SSBP2: variants seen among roughly 807,000 people sequenced by gnomAD.
SSBP2 encodes single stranded DNA binding protein 2, also known as single-stranded DNA-binding protein 2.
In SSBP2, 17 loss-of-function variants were observed where a neutral mutation model predicts 61.8. The ratio of observed to expected loss-of-function variants is 0.28; its 90% confidence interval spans 0.19 to 0.41. The LOEUF (loss-of-function observed/expected upper bound fraction) is 0.41, where lower values mean the gene tolerates loss of function less well. Among genes scored for constraint, SSBP2 ranks in the 10% least tolerant of loss-of-function variants. The pLI is 1.00. For missense variants in SSBP2, 310 were observed against 458.7 expected (o/e 0.68, Z 2.96); for synonymous variants, 139 against 141.3 (o/e 0.98, Z 0.12).
chr5:81,672,439 T>C (rs1039299763), intron 1 of SSBP2, among the ~76,000 whole-genome samples: 2 of 152,130 alleles, frequency 1.3e-5, no homozygotes, highest in African/African-American at 4.8e-5. Flanking sequence ...ATTATTTTTG[T>C]CTAAAATAAA....
At chr5:81,501,268 TAC>T (rs34805388) in intron 5 of SSBP2, among the ~76,000 whole-genome samples, 1,168 of 35,606 alleles carry the variant, frequency 0.033, 137 homozygotes, top group Non-Finnish European at 0.044. Flanking sequence ...TATATATATA[TAC>T]ACACACACAC....
At chr5:81,695,155 T>A (rs1753508849) in intron 1 of SSBP2, among the ~76,000 whole-genome samples, 1 of 152,170 alleles carries the variant, frequency 6.6e-6, no homozygotes, top group South Asian at 2.1e-4. Flanking sequence ...TATATACATA[T>A]AAACCAACTA....
At chr5:81,626,425 A>T (rs1747150311) in intron 3 of SSBP2, among the ~76,000 whole-genome samples, 1 of 152,254 alleles carries the variant, frequency 6.6e-6, no homozygotes, top group South Asian at 2.1e-4. Flanking sequence ...ATTTGCCTAA[A>T]GTCACACAGT....
intron 4 of SSBP2, among the ~76,000 whole-genome samples, chr5:81,584,910 A>T (rs1256841772): frequency 6.6e-6 from 1 of 152,160 alleles, no homozygotes; most frequent in African/African-American, 2.4e-5. Context: ...TGTCATATAA[A>T]AATTAACATA....
chr5:81,730,215 A>G (rs80120567), intron 1 of SSBP2, among the ~76,000 whole-genome samples: 4 of 152,106 alleles, frequency 2.6e-5, no homozygotes, highest in African/African-American at 7.2e-5. Flanking sequence ...TTACAGAGTA[A>G]GTGTACTTTT....
At chr5:81,747,493 G>T (rs1381518924) in intron 1 of SSBP2, among the ~76,000 whole-genome samples, 1 of 152,094 alleles carries the variant, frequency 6.6e-6, no homozygotes, top group African/African-American at 2.4e-5. Context: ...CTGGCACACA[G>T]GATGGCAAAT....
At chr5:81,566,550 G>C (rs1773439309) in intron 4 of SSBP2, among the ~76,000 whole-genome samples, 2 of 152,260 alleles carry the variant, frequency 1.3e-5, no homozygotes, top group South Asian at 4.1e-4. Context: ...TCTTTCTCTT[G>C]TAAATTGCCC....
rs542978211 is a variant in SSBP2 at position 81,477,225 on chromosome 5, A to G, written c.433-2663T>C. Among the ~76,000 whole-genome samples, 5 of 152,260 alleles carry G rather than the reference A, an allele frequency of 3.3e-5. No homozygotes were observed. The East Asian group carries it at 9.6e-4, about 29-fold the overall frequency. ...GATGTTCTTGTTACTTGGGTGCATC[A>G]TTTTTAGGCTCTCTCAGTAAACACC... On this transcript the variant is annotated intron_variant, in intron 6 of 16. Transcript: ENST00000320672.
chr5:81,675,361 CTT>C (rs932818529), intron 1 of SSBP2, among the ~76,000 whole-genome samples: 1 of 152,130 alleles, frequency 6.6e-6, no homozygotes, highest in Non-Finnish European at 1.5e-5. Context: ...AGTGGGAAGA[CTT>C]AAACAGGGTG....
intron 4 of SSBP2, among the ~76,000 whole-genome samples, chr5:81,592,995 G>T (rs1030257577): frequency 1.3e-5 from 2 of 152,184 alleles, no homozygotes; most frequent in Non-Finnish European, 2.9e-5. Flanking sequence ...GACGGAGAAT[G>T]ACTTTGACGA....
At chr5:81,676,552 A>T (rs1752001857) in intron 1 of SSBP2, among the ~76,000 whole-genome samples, 1 of 152,140 alleles carries the variant, frequency 6.6e-6, no homozygotes, top group Non-Finnish European at 1.5e-5. Flanking sequence ...GCATCGTTTC[A>T]CAGCTAATTA....
At chr5:81,550,077 A>G (rs1286114218) in intron 4 of SSBP2, among the ~76,000 whole-genome samples, 1 of 152,206 alleles carries the variant, frequency 6.6e-6, no homozygotes. Flanking sequence ...ATAGAAGACT[A>G]TATCTCACAT....
chr5:81,553,804 A>G (rs1024844249), intron 4 of SSBP2, among the ~76,000 whole-genome samples: 2 of 152,102 alleles, frequency 1.3e-5, no homozygotes, highest in Non-Finnish European at 2.9e-5. Flanking sequence ...TGTATAGTTA[A>G]CTTTCTTGTT....
At position 81,631,994 on chromosome 5, in the gene SSBP2, T is replaced by C. The variant is rs533870686; in HGVS notation, c.197+4563A>G. ...CACACCATGATCATACTGTAGAAAA[T>C]TGGGAAGATAGAGGGGAAACCTCTA... On this transcript the variant is annotated intron_variant, in intron 3 of 16. Transcript: ENST00000320672. Among the ~76,000 whole-genome samples the C allele has an allele frequency of 1.2e-3, 190 of 152,176 alleles. 1 individual carries two copies. The highest frequency in any genetic ancestry group is 1.8e-3 in the Non-Finnish European group (120 of 68,006).
At chr5:81,489,183 T>C (rs928946863) in intron 6 of SSBP2, 67 bp downstream of exon 6, 21 of 1,311,282 alleles carry the variant, frequency 1.6e-5, no homozygotes, top group African/African-American at 5.9e-5. Flanking sequence ...TACAGGATGA[T>C]AAATATATGT....
At chr5:81,663,977 A>T (rs79015863) in intron 1 of SSBP2, among the ~76,000 whole-genome samples, 2,007 of 152,328 alleles carry the variant, frequency 0.013, 38 homozygotes, top group African/African-American at 0.046. Flanking sequence ...AATTCACTAT[A>T]TGTGCAAAGG....
rs1159094905 is a variant in SSBP2 at position 81,559,592 on chromosome 5, A to G, written c.283-45875T>C. ...TATAAGAAACAAATAATAGAAATGA[A>G]CTGCAAACCAGTAGCAGGTTTCTAC... On this transcript the variant is annotated intron_variant, in intron 4 of 16. Transcript: ENST00000320672. Among the ~76,000 whole-genome samples the G allele has an allele frequency of 2.0e-5, 3 of 151,926 alleles. No individual in the cohort carries two copies. The East Asian group carries it at 5.8e-4, about 29-fold the overall frequency.
At chr5:81,550,416 C>G (rs1772082067) in intron 4 of SSBP2, among the ~76,000 whole-genome samples, 1 of 151,976 alleles carries the variant, frequency 6.6e-6, no homozygotes, top group African/African-American at 2.4e-5. Context: ...GAATAAATAG[C>G]ATTATTGAAA....
intron 1 of SSBP2, among the ~76,000 whole-genome samples, chr5:81,734,114 G>C (rs1306299145): frequency 6.6e-6 from 1 of 152,154 alleles, no homozygotes; most frequent in Non-Finnish European, 1.5e-5. Context: ...TTGGGTTAAA[G>C]CTACTTAAGT....
Sources: allele counts gnomAD v4.1 joint callset (sites outside exome capture counted in the v4.1 genomes callset), GRCh38; gene constraint gnomAD v4.1.1; transcripts MANE v1.5; gene names NCBI Gene and HGNC (gene_info 2026-07-23, HGNC 2026-07-21).